CLINT1: variants seen among roughly 807,000 people sequenced by gnomAD.
CLINT1 encodes the protein clathrin interactor 1, also known as clathrin interacting protein localized in the trans-Golgi region.
CLINT1 carries 15 observed loss-of-function variants against 70.4 expected under a neutral mutation model. The observed-to-expected ratio is 0.21, with a 90% CI of 0.14 to 0.33. The LOEUF (loss-of-function observed/expected upper bound fraction) is 0.33, where lower values mean the gene tolerates loss of function less well. CLINT1 is among the 10% of genes least tolerant of loss of function. CLINT1 has a pLI of 1.00. For missense variants in CLINT1, 615 were observed against 778.1 expected, an observed-to-expected ratio of 0.79 and a Z score of 2.49; for synonymous variants, 227 against 254.7, an observed-to-expected ratio of 0.89 and a Z score of 1.04.
At chr5:157,804,037 TAAAAAAAAAA>T (rs3836883) in intron 7 of CLINT1, among the ~76,000 whole-genome samples, 16 of 131,344 alleles carry the variant, frequency 1.2e-4, no homozygotes, top group East Asian at 2.2e-4. Flanking sequence ...ATCAGTTCAT[TAAAAAAAAAA>T]AAAAAAAAAA....
chr5:157,831,083 T>C (rs905757849), intron 1 of CLINT1, among the ~76,000 whole-genome samples: 15 of 151,832 alleles, frequency 9.9e-5, no homozygotes, highest in African/African-American at 3.6e-4. Context: ...AACTTTATTG[T>C]AATCCTTTCA....
chr5:157,821,519 G>GT (rs1324698076), intron 1 of CLINT1, among the ~76,000 whole-genome samples: 9 of 152,182 alleles, frequency 5.9e-5, no homozygotes, highest in Non-Finnish European at 7.4e-5. Context: ...AATAGTATCT[G>GT]TAATTTTCAG....
intron 1 of CLINT1, among the ~76,000 whole-genome samples, chr5:157,840,505 C>T (rs1291684698): frequency 1.3e-5 from 2 of 150,890 alleles, no homozygotes; most frequent in South Asian, 2.1e-4. Context: ...GAAATGCACA[C>T]TGAAGCATTG....
rs1391983088 is a variant in CLINT1, at chr5:157,794,977, A to C, written c.1013-5T>G. On this transcript the variant is annotated splice_region_variant and splice_polypyrimidine_tract_variant and intron_variant, in intron 8 of 11. Transcript: ENST00000411809. ...CGAATAAATCAGCTGATCCTCCTAGAAGTTAAGAAAAAGTTAAAACTGTTA... is the reference window on the plus strand; with the variant it reads ...CGAATAAATCAGCTGATCCTCCTAGCAGTTAAGAAAAAGTTAAAACTGTTA... The C allele has an allele frequency of 6.4e-7, 1 of 1,551,326 alleles. No individual in the cohort carries two copies. The highest frequency in any genetic ancestry group is 1.2e-5 in the South Asian group (1 of 83,990).
At chr5:157,795,934 G>C (rs1408717751) in intron 8 of CLINT1, 1 of 152,382 alleles carries the variant, frequency 6.6e-6, no homozygotes, top group African/African-American at 2.4e-5. Flanking sequence ...GGGAGGCTGA[G>C]GTGGGAGGAC....
At chr5:157,837,039 C>T (rs943199903) in intron 1 of CLINT1, among the ~76,000 whole-genome samples, 2 of 152,188 alleles carry the variant, frequency 1.3e-5, no homozygotes, top group Non-Finnish European at 2.9e-5. Context: ...CTGGTTATAA[C>T]ACTTTATTCC....
chr5:157,831,556 C>T (rs187114521), intron 1 of CLINT1, among the ~76,000 whole-genome samples: 87 of 152,308 alleles, frequency 5.7e-4, no homozygotes, highest in Non-Finnish European at 1.0e-3. Flanking sequence ...TGATCTCTCA[C>T]TCTCACACCA....
At chr5:157,855,972 C>T (rs1457105263) in intron 1 of CLINT1, among the ~76,000 whole-genome samples, 2 of 152,020 alleles carry the variant, frequency 1.3e-5, no homozygotes, top group Non-Finnish European at 2.9e-5. Context: ...CACTTAAGAG[C>T]CGCTACCATA....
At chr5:157,856,815 A>G (rs570604014) in intron 1 of CLINT1, among the ~76,000 whole-genome samples, 1 of 152,220 alleles carries the variant, frequency 6.6e-6, no homozygotes, top group Non-Finnish European at 1.5e-5. Flanking sequence ...TCTACATCCT[A>G]AATTGGGTAG....
intron 11 of CLINT1, among the ~76,000 whole-genome samples, 160 bp downstream of exon 11, chr5:157,789,203 T>C (rs1012103769): frequency 6.6e-6 from 1 of 152,200 alleles, no homozygotes. Flanking sequence ...CCAGGAGGAA[T>C]ACCCAGTAAA....
rs1761780734 is a variant in CLINT1 at position 157,787,999 on chromosome 5, G to C, written c.1532-7C>G. The C allele has an allele frequency of 3.1e-6, 5 of 1,588,806 alleles. No individual in the cohort carries two copies. The East Asian group carries it at 1.1e-4, about 36-fold the overall frequency. On this transcript the variant is annotated splice_polypyrimidine_tract_variant and splice_region_variant and intron_variant, in intron 11 of 11. Transcript: ENST00000411809. ...TTCATAGGCTGCTGCATATCTACCA[G>C]ACGAAAACAGACAGAAGAACTTTAC...
chr5:157,830,757 C>CCCTCTCTCA (rs1763202161), intron 1 of CLINT1, among the ~76,000 whole-genome samples: 1 of 87,408 alleles, frequency 1.1e-5, no homozygotes, highest in Non-Finnish European at 2.1e-5. Flanking sequence ...CCTCTCTCTC[C>CCCTCTCTCA]CTCTCTCTCT....
At chr5:157,854,370 G>A (rs1753677717) in intron 1 of CLINT1, among the ~76,000 whole-genome samples, 1 of 152,082 alleles carries the variant, frequency 6.6e-6, no homozygotes, top group South Asian at 2.1e-4. Flanking sequence ...GACTGCCTGA[G>A]CCCAGGAGTT....
At chr5:157,858,270 GA>G (rs770084076) in intron 1 of CLINT1, among the ~76,000 whole-genome samples, 6 of 152,194 alleles carry the variant, frequency 3.9e-5, no homozygotes, top group South Asian at 2.1e-4. Context: ...ATGTGTAGTG[GA>G]AAAAGAAACA....
At chr5:157,795,502 T>C (rs191667853) in intron 8 of CLINT1, 88 of 152,560 alleles carry the variant, frequency 5.8e-4, no homozygotes, top group Non-Finnish European at 1.0e-3. Context: ...CCAAGTATGA[T>C]TGTATCACAA....
At chr5:157,846,642 T>C (rs1050456263) in intron 1 of CLINT1, among the ~76,000 whole-genome samples, 11 of 152,216 alleles carry the variant, frequency 7.2e-5, no homozygotes, top group African/African-American at 2.7e-4. Flanking sequence ...AGATTTTCAA[T>C]GGAGATGAAA....
intron 9 of CLINT1, among the ~76,000 whole-genome samples, chr5:157,793,365 G>A (rs1761974322): frequency 6.6e-6 from 1 of 152,068 alleles, no homozygotes; most frequent in African/African-American, 2.4e-5. Context: ...GGAAACTGGG[G>A]CAAAATGTGT....
At chr5:157,852,800 A>T (rs1753618446) in intron 1 of CLINT1, among the ~76,000 whole-genome samples, 1 of 152,224 alleles carries the variant, frequency 6.6e-6, no homozygotes, top group African/African-American at 2.4e-5. Flanking sequence ...GGCAAAGTAT[A>T]TTTGGCTAGC....
chr5:157,793,150 C>T (rs1454620463), intron 9 of CLINT1, among the ~76,000 whole-genome samples: 1 of 151,224 alleles, frequency 6.6e-6, no homozygotes, highest in Non-Finnish European at 1.5e-5. Flanking sequence ...GTTCTACTAA[C>T]AATTTAATAT....
Sources: allele counts gnomAD v4.1 joint callset (sites outside exome capture counted in the v4.1 genomes callset), GRCh38; gene constraint gnomAD v4.1.1; transcripts MANE v1.5; gene names NCBI Gene and HGNC (gene_info 2026-07-23, HGNC 2026-07-21).